Variants in GCN1 observed in about 807,000 individuals in gnomAD.
GCN1 encodes the protein GCN1 activator of EIF2AK4.
GCN1 carries 90 observed loss-of-function variants against 288.4 expected under a neutral mutation model. The observed-to-expected ratio is 0.31, with a 90% CI of 0.26 to 0.37. GCN1 has a LOEUF of 0.37. Among genes scored for constraint, GCN1 ranks in the 10% least tolerant of loss-of-function variants. The pLI is 1.00. For missense variants in GCN1, 2,586 were observed against 3,419.9 expected (o/e 0.76, Z 6.08); for synonymous variants, 1,386 against 1,420.2 (o/e 0.98, Z 0.54).
At chr12:120,163,393 G>A in intron 18 of GCN1, 134 bp from the exon 19 acceptor site, 1 of 674,588 alleles carries the variant, frequency 1.5e-6, no homozygotes. Context: ...AGAAATGGAT[G>A]CCCAGCTTCC....
chr12:120,138,672 A>T, intron 46 of GCN1, 23 bp downstream of exon 46: 5 of 1,600,090 alleles, frequency 3.1e-6, no homozygotes, highest in Non-Finnish European at 4.3e-6. Context: ...ACTGGTAGGT[A>T]GGTGTGTGGT....
chr12:120,138,820 T>C lies in GCN1; in HGVS notation c.6031A>G (p.Arg2011Gly), dbSNP rs1192026225. 6.2e-7 allele frequency: 1 copy of C among 1,613,696 alleles called. No homozygotes were observed. Among genetic ancestry groups the C allele is most frequent in the Non-Finnish European group, 8.5e-7 (1 of 1,179,726 alleles). ...TCCAGTGGGTCACACAAAGCCTTCC[T>C]TGCCGTGGGCACGAGGGATTCAGAG... ...YFSESLVPTA[R>G]KALCDPLEEV... The change falls in exon 46 of 58, where the codon AGG becomes GGG. Residue 2011 changes from arginine (R) to glycine (G), a missense_variant. Physicochemically the swap from Arg to Gly is moderately radical, Grantham distance 125. Around this residue, in one of 8 missense-constraint regions of GCN1, gnomAD observed 437 missense variants for 570.5 expected, o/e 0.77. Coordinates refer to ENST00000300648, the MANE Select transcript of GCN1 (RefSeq NM_006836.2).
At chr12:120,139,473 A>G (rs911804259) in intron 45 of GCN1, among the ~76,000 whole-genome samples, 2 of 152,100 alleles carry the variant, frequency 1.3e-5, no homozygotes, top group African/African-American at 4.8e-5. Flanking sequence ...CTAAAAATGC[A>G]AAAATTAGCT....
chr12:120,186,210 G>A (rs992198486), intron 2 of GCN1, among the ~76,000 whole-genome samples: 1 of 152,032 alleles, frequency 6.6e-6, no homozygotes, highest in Admixed American at 6.6e-5. Context: ...ATGGTGGCAC[G>A]TGTCTGTAAT....
At chr12:120,167,192 C>A (rs1479900574) in intron 16 of GCN1, among the ~76,000 whole-genome samples, 19 of 148,718 alleles carry the variant, frequency 1.3e-4, no homozygotes, top group African/African-American at 3.7e-4. Flanking sequence ...AAAAAAAAAA[C>A]AAAAACAAAA....
intron 31 of GCN1, 148 bp from the exon 32 acceptor site, chr12:120,154,057 A>G: frequency 3.1e-6 from 2 of 642,912 alleles, no homozygotes; most frequent in East Asian, 5.5e-5. Flanking sequence ...CCCACCACCC[A>G]GTGCTCACCC....
chr12:120,153,568 C>T lies in GCN1; in HGVS notation c.3868-161G>A, dbSNP rs957754931. On this transcript the variant is annotated intron_variant, in intron 32 of 57. Transcript: ENST00000300648. The surrounding 1 kb of genome is among the most constrained non-coding windows in gnomAD (Gnocchi z 4.4). Reference sequence around the variant, plus strand: ...AGTTTTCTGGCAGGACTGCCACAGACTTAAAAGAATTTAACACACTATCAT... The same window carrying T: ...AGTTTTCTGGCAGGACTGCCACAGATTTAAAAGAATTTAACACACTATCAT... Among the ~76,000 whole-genome samples, 2 of 152,232 alleles carry T rather than the reference C, an allele frequency of 1.3e-5. No homozygotes were observed. The highest frequency in any genetic ancestry group is 4.8e-5 in the African/African-American group (2 of 41,458).
chr12:120,149,991 C>T lies in GCN1; in HGVS notation c.4362G>A (p.Glu1454=). 3.1e-6 allele frequency: 5 copies of T among 1,614,068 alleles called. No homozygotes were observed. Among genetic ancestry groups the T allele is most frequent in the Non-Finnish European group, 4.2e-6 (5 of 1,179,966 alleles). ...GGGGCAGCACGTGAACCACATACGG[C>T]TCAAAAAGTTTCCCCAGCATGGTGC... is the stretch of plus-strand genomic sequence containing the variant. ...MLCTMLGKLF[E]PYVVHVLPHL... The change falls in exon 35 of 58, where the codon GAG becomes GAA. Residue 1454 remains glutamate (E), a synonymous_variant. Coordinates refer to ENST00000300648, the MANE Select transcript of GCN1 (RefSeq NM_006836.2).
chr12:120,148,032 G>T, intron 37 of GCN1, 135 bp downstream of exon 37: 1 of 640,174 alleles, frequency 1.6e-6, no homozygotes, highest in South Asian at 2.0e-5. Flanking sequence ...ATGACTCAGT[G>T]TCCCTATTTC....
chr12:120,156,707 G>T lies in GCN1; in HGVS notation c.3169-103C>A. 8.3e-7 allele frequency: 1 copy of T among 1,201,990 alleles called. No homozygotes were observed. The highest frequency in any genetic ancestry group is 1.2e-6 in the Non-Finnish European group (1 of 833,358). 74.5% of individuals were successfully genotyped at this position (1,201,990 alleles called of 1,614,324 possible). ...AACACCCACCCCTACAGCACTGCAAGGGCTAAGACCCCAGCTCCAGTGGCA... is the reference window on the plus strand; with the variant it reads ...AACACCCACCCCTACAGCACTGCAATGGCTAAGACCCCAGCTCCAGTGGCA... On this transcript the variant is annotated intron_variant, in intron 27 of 57. Transcript: ENST00000300648. This position sits in a 1 kb window ranked among gnomAD's most constrained non-coding sequence, Gnocchi z 5.8.
chr12:120,180,681 C>T (rs1224041206), intron 5 of GCN1, among the ~76,000 whole-genome samples: 1 of 151,394 alleles, frequency 6.6e-6, no homozygotes, highest in African/African-American at 2.4e-5. Flanking sequence ...TGTGAACTGC[C>T]ACCCTCAGAA....
intron 53 of GCN1, 140 bp from the exon 54 acceptor site, chr12:120,132,162 CT>C (rs1876848406): frequency 9.3e-6 from 6 of 641,732 alleles, no homozygotes; most frequent in Non-Finnish European, 1.7e-5. Context: ...AGATCCAGTC[CT>C]TCCTGTAGGC....
chr12:120,128,398 C>T (rs999955586), intron 57 of GCN1, among the ~76,000 whole-genome samples: 1 of 151,326 alleles, frequency 6.6e-6, no homozygotes, highest in African/African-American at 2.4e-5. Context: ...TGCAATGGCA[C>T]GATCTCAGCT....
In GCN1 at chr12:120,127,992, C is replaced by G; in HGVS notation, c.7891-18G>C. 1 of 1,613,494 alleles carries G rather than the reference C, an allele frequency of 6.2e-7. No homozygotes were observed. Among genetic ancestry groups the G allele is most frequent in the East Asian group, 2.2e-5 (1 of 44,854 alleles). On this transcript the variant is annotated intron_variant, in intron 57 of 57. Coordinates refer to ENST00000300648, the MANE Select transcript of GCN1 (RefSeq NM_006836.2). ...GAGAGGGACTGTGGGGAAGGATGAG[C>G]AGGAGGAAACATAGTCAGAACATAC...
Position 120,178,771 on chromosome 12 carries a change from A to G in GCN1, c.526-12T>C. ...ACCAGCCCGGGGTTCTGAAGAGGAA[A>G]GTGCCAGGCAGGTGTTTAAGATGGC... is the stretch of plus-strand genomic sequence containing the variant. On this transcript the variant is annotated splice_polypyrimidine_tract_variant and intron_variant, in intron 6 of 57. Coordinates refer to ENST00000300648, the MANE Select transcript of GCN1 (RefSeq NM_006836.2). The G allele has an allele frequency of 6.2e-7, 1 of 1,614,216 alleles. No homozygotes were observed. Among genetic ancestry groups the G allele is most frequent in the South Asian group, 1.1e-5 (1 of 91,080 alleles).
At chr12:120,148,051 CA>C in intron 37 of GCN1, 115 bp downstream of exon 37, 3 of 704,048 alleles carry the variant, frequency 4.3e-6, no homozygotes, top group Non-Finnish European at 7.2e-6. Context: ...TCACTGTGAA[CA>C]TATTTGTCCT....
chr12:120,147,142 A>G lies in GCN1; in HGVS notation c.4857T>C (p.Ile1619=). Residue 1619 remains isoleucine (I), a synonymous_variant, in exon 38 of 58, where the codon ATT becomes ATC. Coordinates refer to ENST00000300648, the MANE Select transcript of GCN1 (RefSeq NM_006836.2). ...DAPSLALIMP[I]VQRAFQDRST... is the part of the protein sequence containing the mutation. ...AACGGTCCTGGAAGGCTCTCTGGACAATGGGCATGATGAGGGCCAGGGATG... is the reference window on the plus strand; with the variant it reads ...AACGGTCCTGGAAGGCTCTCTGGACGATGGGCATGATGAGGGCCAGGGATG... 6.2e-7 allele frequency: 1 copy of G among 1,612,916 alleles called. No individual in the cohort carries two copies. The highest frequency in any genetic ancestry group is 8.5e-7 in the Non-Finnish European group (1 of 1,179,232).
intron 36 of GCN1, 52 bp downstream of exon 36, chr12:120,149,554 G>A (rs369117226): frequency 7.0e-6 from 9 of 1,278,354 alleles, no homozygotes; most frequent in Non-Finnish European, 1.0e-5. Flanking sequence ...CCTTGCTGAG[G>A]CTGGTTTTCA....
chr12:120,169,878 T>C (rs1878263784), intron 15 of GCN1, among the ~76,000 whole-genome samples: 1 of 152,216 alleles, frequency 6.6e-6, no homozygotes, highest in Non-Finnish European at 1.5e-5. Context: ...TGTATGAATG[T>C]ATAACCAACT....
Sources: allele counts gnomAD v4.1 joint callset (sites outside exome capture counted in the v4.1 genomes callset), GRCh38; gene constraint gnomAD v4.1.1; regional missense constraint gnomAD v4.1.1; non-coding constraint Gnocchi (gnomAD v3.1); transcripts MANE v1.5; gene names NCBI Gene and HGNC (gene_info 2026-07-23, HGNC 2026-07-21).